Variants in RBFOX1 observed in about 807,000 individuals in gnomAD.
The protein encoded by RBFOX1 is RNA binding protein fox-1 homolog 1.
A neutral mutation model predicts 57.7 loss-of-function variants in RBFOX1; 8 were observed. The ratio of observed to expected loss-of-function variants is 0.14; its 90% CI spans 0.08 to 0.25. The LOEUF (loss-of-function observed/expected upper bound fraction) is 0.25. Among genes scored for constraint, RBFOX1 ranks in the 10% least tolerant of loss-of-function variants. The pLI is 1.00. For missense variants in RBFOX1, 611 were observed against 548.5 expected, an observed-to-expected ratio of 1.11 and a Z score of -1.14; for synonymous variants, 326 against 222.4, an observed-to-expected ratio of 1.47 and a Z score of -4.15.
At chr16:6,970,591 T>C (rs1178246763) in intron 3 of RBFOX1, among the ~76,000 whole-genome samples, 2 of 152,078 alleles carry the variant, frequency 1.3e-5, no homozygotes, top group Middle Eastern at 6.3e-3. Context: ...CTTCACATGG[T>C]GGAAGGGAAA....
chr16:6,983,983 G>T (rs73532921), intron 3 of RBFOX1, among the ~76,000 whole-genome samples: 1 of 152,024 alleles, frequency 6.6e-6, no homozygotes, highest in Non-Finnish European at 1.5e-5. Context: ...AGTGGTGGCT[G>T]AACCCTGTAA....
intron 2 of RBFOX1, among the ~76,000 whole-genome samples, chr16:5,513,102 A>G (rs1308248136): frequency 6.6e-6 from 1 of 152,102 alleles, no homozygotes; most frequent in African/African-American, 2.4e-5. Context: ...TTTTGTACAG[A>G]TAGGATGTTA....
intron 4 of RBFOX1, among the ~76,000 whole-genome samples, chr16:5,999,144 C>T (rs552163235): frequency 6.6e-6 from 1 of 152,284 alleles, no homozygotes; most frequent in South Asian, 2.1e-4. Flanking sequence ...TCTGAACAGT[C>T]CTCTCTGTCT....
chr16:5,837,991 T>C (rs2056512683), intron 3 of RBFOX1: 1 of 152,306 alleles, frequency 6.6e-6, no homozygotes, highest in South Asian at 2.1e-4. Flanking sequence ...GTCTGTGGAC[T>C]CCAGTTCTAG....
intron 4 of RBFOX1, among the ~76,000 whole-genome samples, chr16:7,452,185 C>T (rs1042511389): frequency 2.6e-5 from 4 of 152,154 alleles, no homozygotes; most frequent in African/African-American, 7.2e-5. Flanking sequence ...GCTGTAAATA[C>T]GCATATAAAT....
chr16:7,542,717 A>T (rs1030692344), intron 5 of RBFOX1, among the ~76,000 whole-genome samples: 1 of 150,806 alleles, frequency 6.6e-6, no homozygotes, highest in African/African-American at 2.4e-5. Context: ...AAAAAAAAAA[A>T]AAAGCCAGGC....
intron 2 of RBFOX1, among the ~76,000 whole-genome samples, chr16:5,582,714 G>C (rs530438121): frequency 4.0e-5 from 6 of 151,872 alleles, no homozygotes; most frequent in Non-Finnish European, 5.9e-5. Context: ...TCACACCCAC[G>C]CTCGGCTAAT....
At chr16:7,682,155 G>A (rs1283370899) in intron 14 of RBFOX1, among the ~76,000 whole-genome samples, 6 of 152,100 alleles carry the variant, frequency 3.9e-5, no homozygotes, top group South Asian at 2.1e-4. Context: ...AATAGCAAAC[G>A]GTAGTTTTAG....
At chr16:5,660,223 C>T (rs2049600208) in intron 3 of RBFOX1, among the ~76,000 whole-genome samples, 1 of 152,124 alleles carries the variant, frequency 6.6e-6, no homozygotes, top group Non-Finnish European at 1.5e-5. Context: ...CGTTGAGTGT[C>T]TGGTATTAAA....
chr16:5,379,690 A>C (rs1039849832), intron 1 of RBFOX1, among the ~76,000 whole-genome samples: 3 of 152,178 alleles, frequency 2.0e-5, no homozygotes, highest in Non-Finnish European at 4.4e-5. Flanking sequence ...TGGTTTATCA[A>C]CTGTATTCTG....
intron 1 of RBFOX1, among the ~76,000 whole-genome samples, chr16:5,350,807 G>A (rs2065246317): frequency 1.3e-5 from 2 of 152,206 alleles, no homozygotes; most frequent in Non-Finnish European, 2.9e-5. Context: ...GGAGGTTGCA[G>A]TGAGCCGATA....
intron 13 of RBFOX1, among the ~76,000 whole-genome samples, chr16:7,672,746 A>G (rs1257759418): frequency 2.6e-5 from 4 of 151,798 alleles, no homozygotes; most frequent in Admixed American, 1.3e-4. Context: ...ACATGCCTGC[A>G]GTCCCAGCTA....
intron 4 of RBFOX1, among the ~76,000 whole-genome samples, chr16:7,407,675 C>T (rs1017522740): frequency 6.6e-6 from 1 of 152,112 alleles, no homozygotes; most frequent in African/African-American, 2.4e-5. Context: ...ATCTTAATTG[C>T]CGTTAACATT....
intron 4 of RBFOX1, among the ~76,000 whole-genome samples, chr16:7,328,295 C>T (rs556184406): frequency 9.2e-5 from 14 of 151,992 alleles, no homozygotes; most frequent in South Asian, 8.3e-4. Flanking sequence ...TCCTGGCCAA[C>T]GTGGTGAAAC....
chr16:6,260,504 G>A (rs190349185), intron 1 of RBFOX1, among the ~76,000 whole-genome samples: 1 of 152,238 alleles, frequency 6.6e-6, no homozygotes, highest in East Asian at 1.9e-4. Flanking sequence ...AGAGAAATCA[G>A]CCCATAGGTT....
At chr16:6,144,549 G>C (rs1375841984) in intron 1 of RBFOX1, among the ~76,000 whole-genome samples, 2 of 152,128 alleles carry the variant, frequency 1.3e-5, no homozygotes, top group Non-Finnish European at 2.9e-5. Context: ...ACATGCATTG[G>C]ATTTTCAATT....
At chr16:6,780,477 T>C (rs1408760465) in intron 3 of RBFOX1, among the ~76,000 whole-genome samples, 4 of 102,830 alleles carry the variant, frequency 3.9e-5, no homozygotes, top group Admixed American at 1.2e-4. Context: ...TATATACATT[T>C]TTATATATAT....
At chr16:7,694,355 C>T (rs1474337576) in intron 14 of RBFOX1, among the ~76,000 whole-genome samples, 2 of 152,288 alleles carry the variant, frequency 1.3e-5, no homozygotes, top group East Asian at 1.9e-4. Context: ...GCCAATGTTT[C>T]ACTCCCTATT....
intron 3 of RBFOX1, among the ~76,000 whole-genome samples, chr16:6,923,756 C>G (rs913464194): frequency 5.3e-5 from 8 of 152,098 alleles, no homozygotes; most frequent in African/African-American, 1.2e-4. Context: ...GATATCAAAG[C>G]TTAATTAATA....
Sources: allele counts gnomAD v4.1 joint callset (sites outside exome capture counted in the v4.1 genomes callset), GRCh38; gene constraint gnomAD v4.1.1; transcripts MANE v1.5; gene names NCBI Gene and HGNC (gene_info 2026-07-23, HGNC 2026-07-21).